The following PPFIBP1 variants were observed in gnomAD, a reference collection of about 807,000 sequenced individuals.
The protein encoded by PPFIBP1 is liprin-beta-1.
A neutral mutation model predicts 137.8 loss-of-function variants in PPFIBP1; 112 were observed. That is an observed-to-expected ratio of 0.81 (90% CI 0.70 to 0.95). The LOEUF (loss-of-function observed/expected upper bound fraction) is 0.95. Among genes scored for constraint, PPFIBP1 ranks in the 40% least tolerant of loss-of-function variants. PPFIBP1 has a pLI of 0.00. For synonymous variants in PPFIBP1, 378 were observed against 417.3 expected, an observed-to-expected ratio of 0.91 and a Z score of 1.15; for missense variants, 1,083 against 1,196.6, an observed-to-expected ratio of 0.91 and a Z score of 1.40.
chr12:27,614,596 G>C (rs1172127360), intron 2 of PPFIBP1, among the ~76,000 whole-genome samples: 1 of 152,090 alleles, frequency 6.6e-6, no homozygotes, highest in Non-Finnish European at 1.5e-5. Flanking sequence ...GCTACTAATG[G>C]GCCAGTTGTC....
intron 1 of PPFIBP1, among the ~76,000 whole-genome samples, chr12:27,576,378 C>T (rs1383376678): frequency 1.3e-5 from 2 of 152,122 alleles, no homozygotes; most frequent in Admixed American, 6.6e-5. Context: ...TTGCAGAAAC[C>T]CGCCATGTCT....
At chr12:27,589,604 GGACAGGT>G (rs2052224083) in intron 2 of PPFIBP1, among the ~76,000 whole-genome samples, 3 of 152,104 alleles carry the variant, frequency 2.0e-5, no homozygotes, top group Non-Finnish European at 2.9e-5. Flanking sequence ...TATATTTTAG[GGACAGGT>G]TCATACCTGC....
rs146185523 is a variant in PPFIBP1, at chr12:27,688,340, C to T, written c.2413C>T (p.Arg805Ter). ...PSEVQKWTNH[R>*]VMEWLRSVDL... ...AGAAGTTCAGAAGTGGACTAACCAT[C>T]GAGTGATGGAGTGGCTGCGCTCCGT... The change falls in exon 26 of 30, where the codon CGA becomes TGA. Residue 805 changes from arginine to a stop codon, truncating the protein, a stop_gained. Transcript: ENST00000228425. LOFTEE classifies it high-confidence loss of function. 5.6e-6 allele frequency: 9 copies of T among 1,613,986 alleles called. No homozygotes were observed. Among genetic ancestry groups the T allele is most frequent in the Admixed American group, 3.3e-5 (2 of 59,996 alleles).
In PPFIBP1 at chr12:27,603,411, T is replaced by C. The variant is rs547887348; in HGVS notation, c.-36+25172T>C. Among the ~76,000 whole-genome samples the C allele has an allele frequency of 1.4e-3, 219 of 152,358 alleles. 1 individual carries two copies. The highest frequency in any genetic ancestry group is 2.7e-3 in the Non-Finnish European group (181 of 68,028). On this transcript the variant is annotated intron_variant, in intron 2 of 29. Transcript: ENST00000228425. ...CTCACTTTCCTTGGCAATACCCTTC[T>C]GGGAAAAATGTTTGTATTTTATTCT...
At chr12:27,681,345 T>C (rs2060861886) in intron 21 of PPFIBP1, among the ~76,000 whole-genome samples, 1 of 152,190 alleles carries the variant, frequency 6.6e-6, no homozygotes, top group South Asian at 2.1e-4. Flanking sequence ...GTGGTTTCAT[T>C]TGAAATGAAG....
At chr12:27,625,644 T>TCCAATCTCAGCCCACTGCAATCTCAGC (rs1387180383) in intron 2 of PPFIBP1, among the ~76,000 whole-genome samples, 9 of 148,784 alleles carry the variant, frequency 6.0e-5, no homozygotes, top group Non-Finnish European at 1.2e-4. Flanking sequence ...GCAGTGGCAC[T>TCCAATCTCAGCCCACTGCAATCTCAGC]CCAATCTCAG....
At chr12:27,665,549 G>C (rs1353523016) in intron 12 of PPFIBP1, among the ~76,000 whole-genome samples, 1 of 152,218 alleles carries the variant, frequency 6.6e-6, no homozygotes, top group African/African-American at 2.4e-5. Flanking sequence ...GGTACATAAA[G>C]AGAGTTGTGC....
chr12:27,617,649 T>C (rs1346127458), intron 2 of PPFIBP1, among the ~76,000 whole-genome samples: 3 of 152,224 alleles, frequency 2.0e-5, no homozygotes, highest in Non-Finnish European at 2.9e-5. Flanking sequence ...TTACTTAGAA[T>C]ACCTACTACA....
chr12:27,563,323 G>T (rs2049335480), intron 1 of PPFIBP1, among the ~76,000 whole-genome samples: 1 of 142,920 alleles, frequency 7.0e-6, no homozygotes, highest in Non-Finnish European at 1.6e-5. Flanking sequence ...TGGGTGTGGT[G>T]GCCAGCGCCT....
chr12:27,605,963 G>T (rs901826756), intron 2 of PPFIBP1, among the ~76,000 whole-genome samples: 3 of 152,082 alleles, frequency 2.0e-5, no homozygotes, highest in Non-Finnish European at 2.9e-5. Context: ...ATCACCTAAG[G>T]CTAGTAATTT....
At chr12:27,572,193 C>T (rs2136692876) in intron 1 of PPFIBP1, among the ~76,000 whole-genome samples, 1 of 152,160 alleles carries the variant, frequency 6.6e-6, no homozygotes, top group South Asian at 2.1e-4. Flanking sequence ...GCACTTCAGT[C>T]CATATTATTC....
chr12:27,596,414 C>T (rs2053314237), intron 2 of PPFIBP1, among the ~76,000 whole-genome samples: 1 of 152,190 alleles, frequency 6.6e-6, no homozygotes, highest in South Asian at 2.1e-4. Flanking sequence ...GGCAGGTACC[C>T]ACAGACTGCC....
intron 1 of PPFIBP1, among the ~76,000 whole-genome samples, chr12:27,570,768 C>G (rs1224324969): frequency 1.3e-5 from 2 of 151,802 alleles, no homozygotes; most frequent in African/African-American, 2.4e-5. Flanking sequence ...AAAAAATTAG[C>G]CGGTTGTGGT....
chr12:27,646,086 G>C lies in PPFIBP1; in HGVS notation c.295G>C (p.Gly99Arg). 6.2e-7 allele frequency: 1 copy of C among 1,610,542 alleles called. No individual in the cohort carries two copies. Among genetic ancestry groups the C allele is most frequent in the Non-Finnish European group, 8.5e-7 (1 of 1,177,548 alleles). The change falls in exon 5 of 30, where the codon GGA (glycine) becomes CGA (arginine). Residue 99 changes from glycine to arginine, a missense_variant. Physicochemically the swap from Gly to Arg is moderately radical, Grantham distance 125 (BLOSUM62 -2). Transcript: ENST00000228425. The part of the protein sequence containing the change: ...QMTNGHLPGN[G>R]DVYQERLARL... Reference sequence around the variant, plus strand: ...GACAAATGGACACCTACCAGGGAACGGAGATGTGTATCAAGAAAGGCTGGC... The same window carrying C: ...GACAAATGGACACCTACCAGGGAACCGAGATGTGTATCAAGAAAGGCTGGC...
rs963942332 is a variant in PPFIBP1 at position 27,695,520 on chromosome 12, G to A, written c.*2638G>A. 5.3e-5 allele frequency: 8 copies of A among 152,124 alleles called. No individual in the cohort carries two copies. The highest frequency in any genetic ancestry group is 1.9e-4 in the African/African-American group (8 of 41,408). The allele number at this position is 152,124 out of a possible 1,614,324, so 9.4% of individuals were successfully genotyped here. ...TATTTACAAATATCATACACTGCTG[G>A]TGTTACCATATGAAAGGAAATAAAG... On this transcript the variant is annotated 3_prime_UTR_variant, in exon 30 of 30. Transcript: ENST00000228425.
intron 15 of PPFIBP1, among the ~76,000 whole-genome samples, chr12:27,672,888 C>G (rs1382428694): frequency 6.6e-6 from 1 of 152,072 alleles, no homozygotes; most frequent in African/African-American, 2.4e-5. Context: ...TATGAACTGA[C>G]CTAATATCTG....
chr12:27,524,894 T>C (rs1943550730), intron 1 of PPFIBP1, among the ~76,000 whole-genome samples: 1 of 152,184 alleles, frequency 6.6e-6, no homozygotes, highest in South Asian at 2.1e-4. Flanking sequence ...GAAATTCACT[T>C]GGGGTGTTTA....
chr12:27,592,489 TG>T (rs1214000056), intron 2 of PPFIBP1: 2 of 1,143,806 alleles, frequency 1.7e-6, no homozygotes, highest in African/African-American at 1.5e-5. Flanking sequence ...AAGGGTTTCT[TG>T]AGGTTGAATT....
intron 2 of PPFIBP1, among the ~76,000 whole-genome samples, chr12:27,614,505 C>T (rs2055528345): frequency 6.6e-6 from 1 of 152,214 alleles, no homozygotes; most frequent in South Asian, 2.1e-4. Context: ...CTAGCCTCAG[C>T]ATGTACAAAG....
Sources: gnomAD v4.1 joint callset for allele counts (sites outside exome capture counted in the v4.1 genomes callset) on GRCh38, gnomAD v4.1.1 for gene constraint, MANE v1.5 for transcripts, NCBI Gene and HGNC (gene_info 2026-07-23, HGNC 2026-07-21) for gene names.